The following OR2T1 variants were observed in gnomAD, a reference collection of about 807,000 sequenced individuals.
OR2T1 encodes the protein olfactory receptor family 2 subfamily T member 1.
For missense variants in OR2T1, 440 were observed against 390.2 expected, an observed-to-expected ratio of 1.13 and a Z score of -1.07; for synonymous variants, 186 against 145.4, an observed-to-expected ratio of 1.28 and a Z score of -2.01.
rs753889964 is a variant in OR2T1, at chr1:248,406,691, G to T, written c.544G>T (p.Ala182Ser). 9.3e-6 allele frequency: 15 copies of T among 1,613,974 alleles called. No homozygotes were observed. The African/African-American group carries it at 1.5e-4, about 16-fold the overall frequency. ...EINHFFCEAP[A>S]VLKLACADTA... is the part of the protein sequence containing the mutation. Reference sequence around the variant, plus strand: ...TAACCACTTCTTCTGTGAGGCACCAGCAGTCCTGAAGTTGGCATGTGCAGA... The same window carrying T: ...TAACCACTTCTTCTGTGAGGCACCATCAGTCCTGAAGTTGGCATGTGCAGA... The change falls in exon 2 of 2, where the codon GCA (alanine) becomes TCA (serine). Residue 182 changes from alanine to serine, a missense_variant. By Grantham distance (99) the Ala-to-Ser change is moderately conservative. Coordinates refer to ENST00000642005, the MANE Select transcript of OR2T1 (RefSeq NM_030904.2).
Position 248,404,559 on chromosome 1 carries a change from TA to T in OR2T1, c.-34+1318del, listed in dbSNP as rs1553313017. ...GCAAAATATACATTATATATATATATAAAATATACATATGATGTATCTATGT... is the reference window on the plus strand; with the variant it reads ...GCAAAATATACATTATATATATATATAAATATACATATGATGTATCTATGT... On this transcript the variant is annotated intron_variant, in intron 1 of 1. Transcript: ENST00000642005. Among the ~76,000 whole-genome samples, 9 of 149,250 alleles carry T rather than the reference TA, an allele frequency of 6.0e-5. No homozygotes were observed. The South Asian group carries it at 6.5e-4, about 11-fold the overall frequency.
chr1:248,406,762 G>A lies in OR2T1; in HGVS notation c.615G>A (p.Met205Ile), dbSNP rs1462513462. 6.2e-7 allele frequency: 1 copy of A among 1,614,202 alleles called. No homozygotes were observed. The highest frequency in any genetic ancestry group is 1.1e-5 in the South Asian group (1 of 91,082). ...TGATGTATGTGTGCTGTGTTTTGAT[G>A]CTGCTGATTCCTTTCTCTGTAGTCC... ...ETVMYVCCVL[M>I]LLIPFSVVLA... The change falls in exon 2 of 2, where the codon ATG (methionine) becomes ATA (isoleucine). Residue 205 changes from methionine to isoleucine, a missense_variant. By Grantham distance (10) the Met-to-Ile change is conservative. Transcript: ENST00000642005.
chr1:248,407,252 A>G lies in OR2T1; in HGVS notation c.*148A>G. 1 of 667,208 alleles carries G rather than the reference A, an allele frequency of 1.5e-6. No homozygotes were observed. Among genetic ancestry groups the G allele is most frequent in the Non-Finnish European group, 2.4e-6 (1 of 418,286 alleles). 41.3% of individuals were successfully genotyped at this position (667,208 alleles called of 1,614,324 possible). On this transcript the variant is annotated 3_prime_UTR_variant, in exon 2 of 2. Coordinates refer to ENST00000642005, the MANE Select transcript of OR2T1 (RefSeq NM_030904.2). The stretch of plus-strand genomic sequence containing the variant: ...TAGGGTTTCTGGTTCATAACTCCAT[A>G]GTTATGATGTTGTGGTTTTTTAGGC...
rs781126024 is a variant in OR2T1, at chr1:248,406,277, A to G, written c.130A>G (p.Met44Val). Reference protein sequence around the residue: ...FFTALMANGVMIFLIQTDLRL... With the variant: ...FFTALMANGVVIFLIQTDLRL... ...CACCGCACTGATGGCCAATGGGGTT[A>G]TGATCTTCCTGATCCAAACAGATTT... Residue 44 changes from methionine (M) to valine (V), a missense_variant, in exon 2 of 2, where the codon ATG (methionine) becomes GTG (valine). Met to Val is a conservative substitution (Grantham distance 21). Coordinates refer to ENST00000642005, the MANE Select transcript of OR2T1 (RefSeq NM_030904.2). 1.1e-5 allele frequency: 17 copies of G among 1,614,044 alleles called. No homozygotes were observed. Among genetic ancestry groups the G allele is most frequent in the Non-Finnish European group, 1.4e-5 (17 of 1,180,022 alleles).
In OR2T1 at chr1:248,406,862, A is replaced by G. The variant is rs775826736; in HGVS notation, c.715A>G (p.Thr239Ala). ...GGAGGGCAGGAAGAAGGCATTTGCC[A>G]CTTGCTCATCCCACATGACTGTGGT... is the stretch of plus-strand genomic sequence containing the variant. ...SVEGRKKAFA[T>A]CSSHMTVVSL... Residue 239 changes from threonine to alanine, a missense_variant, in exon 2 of 2, where the codon ACT (threonine) becomes GCT (alanine). Thr to Ala is a moderately conservative substitution (Grantham distance 58). Coordinates refer to ENST00000642005, the MANE Select transcript of OR2T1 (RefSeq NM_030904.2). 6.2e-7 allele frequency: 1 copy of G among 1,614,134 alleles called. No individual in the cohort carries two copies.
Position 248,406,270 on chromosome 1 carries a change from T to C in OR2T1, c.123T>C (p.Asn41=), listed in dbSNP as rs1204749201. Residue 41 remains asparagine (N), a synonymous_variant, in exon 2 of 2, where the codon AAT becomes AAC. Transcript: ENST00000642005. ...TCTTCTTCACCGCACTGATGGCCAA[T>C]GGGGTTATGATCTTCCTGATCCAAA... ...SIIFFTALMA[N]GVMIFLIQTD... is the part of the protein sequence containing the mutation. 1.9e-6 allele frequency: 3 copies of C among 1,614,128 alleles called. No individual in the cohort carries two copies. The South Asian group carries it at 3.3e-5, about 18-fold the overall frequency.
rs761719351 is a variant in OR2T1, at chr1:248,406,873, C to A, written c.726C>A (p.Ser242=). The change falls in exon 2 of 2, where the codon TCC becomes TCA. Residue 242 remains serine, a synonymous_variant. Coordinates refer to ENST00000642005, the MANE Select transcript of OR2T1 (RefSeq NM_030904.2). ...AGAAGGCATTTGCCACTTGCTCATC[C>A]CACATGACTGTGGTGTCCTTGTTCT... The part of the protein sequence containing the change: ...GRKKAFATCS[S]HMTVVSLFYG... The A allele has an allele frequency of 1.5e-5, 24 of 1,614,004 alleles. No homozygotes were observed. In the South Asian group the frequency reaches 2.6e-4, roughly 18 times the overall value.
At position 248,406,169 on chromosome 1, in the gene OR2T1, T is replaced by C. The variant is rs1407477868; in HGVS notation, c.22T>C (p.Ser8Pro). 2.5e-6 allele frequency: 4 copies of C among 1,614,062 alleles called. No homozygotes were observed. The highest frequency in any genetic ancestry group is 1.7e-5 in the Admixed American group (1 of 60,002). MEEYNTS[S>P]TDFTFMGLFN... ...ATCAATGGAAGAGTACAACACATCC[T>C]CTACAGACTTCACTTTCATGGGGCT... is the stretch of plus-strand genomic sequence containing the variant. Residue 8 changes from serine to proline, a missense_variant, in exon 2 of 2, where the codon TCT (serine) becomes CCT (proline). Coordinates refer to ENST00000642005, the MANE Select transcript of OR2T1 (RefSeq NM_030904.2).
chr1:248,407,788 C>T lies in OR2T1; in HGVS notation c.*684C>T, dbSNP rs1038851653. 6.6e-6 allele frequency: 1 copy of T among 152,238 alleles called. No homozygotes were observed. Among genetic ancestry groups the T allele is most frequent in the African/African-American group, 2.4e-5 (1 of 41,464 alleles). 9.4% of individuals were successfully genotyped at this position (152,238 alleles called of 1,614,324 possible). A position where few individuals can be genotyped will look rare whatever the true frequency, so the allele number is the denominator to read the frequency against. On this transcript the variant is annotated 3_prime_UTR_variant, in exon 2 of 2. Transcript: ENST00000642005. ...AGCTCTTATGCTCTTCCAGACCTCA[C>T]CCTCTGTGTCTTTTCATCTGACTGT... is the stretch of plus-strand genomic sequence containing the variant.
chr1:248,406,954 G>A lies in OR2T1; in HGVS notation c.807G>A (p.Gln269=). 1 of 1,614,096 alleles carries A rather than the reference G, an allele frequency of 6.2e-7. No homozygotes were observed. The highest frequency in any genetic ancestry group is 8.5e-7 in the Non-Finnish European group (1 of 1,179,978). ...MLPHSYHKPA[Q]DKVLSVFYTI... ...CACATTCTTACCACAAGCCAGCCCAGGACAAAGTCCTCTCTGTGTTTTACA... is the reference window on the plus strand; with the variant it reads ...CACATTCTTACCACAAGCCAGCCCAAGACAAAGTCCTCTCTGTGTTTTACA... Residue 269 remains glutamine (Q), a synonymous_variant, in exon 2 of 2, where the codon CAG becomes CAA. Coordinates refer to ENST00000642005, the MANE Select transcript of OR2T1 (RefSeq NM_030904.2).
At chr1:248,405,798 G>A (rs1538694) in intron 1 of OR2T1, among the ~76,000 whole-genome samples, 6,749 of 152,216 alleles carry the variant, frequency 0.044, 510 homozygotes, top group African/African-American at 0.15. Flanking sequence ...ATACACACAC[G>A]CATACACCGG....
intron 1 of OR2T1, among the ~76,000 whole-genome samples, chr1:248,403,574 T>C (rs1661475048): frequency 6.6e-6 from 1 of 152,132 alleles, no homozygotes; most frequent in South Asian, 2.1e-4. Context: ...TTTTACTGTA[T>C]GTTGCCTTCA....
intron 1 of OR2T1, among the ~76,000 whole-genome samples, chr1:248,403,993 A>T (rs1053787996): frequency 2.1e-5 from 3 of 141,456 alleles, no homozygotes; most frequent in African/African-American, 5.4e-5. Flanking sequence ...TTATGAATGT[A>T]TATACTTATA....
At chr1:248,403,605 T>C (rs189273144) in intron 1 of OR2T1, among the ~76,000 whole-genome samples, 142 of 152,268 alleles carry the variant, frequency 9.3e-4, no homozygotes, top group African/African-American at 3.3e-3. Flanking sequence ...AACAAATGCC[T>C]ATATAAAGTC....
At chr1:248,404,471 A>G (rs1184197749) in intron 1 of OR2T1, among the ~76,000 whole-genome samples, 2 of 151,084 alleles carry the variant, frequency 1.3e-5, no homozygotes, top group Non-Finnish European at 2.9e-5. Flanking sequence ...GTTGTAAGTA[A>G]TGATGACATT....
In OR2T1 at chr1:248,407,897, AAACT is replaced by A. The variant is rs1369812914; in HGVS notation, c.*798_*801del. On this transcript the variant is annotated 3_prime_UTR_variant, in exon 2 of 2. Coordinates refer to ENST00000642005, the MANE Select transcript of OR2T1 (RefSeq NM_030904.2). ...CTTGAATTCTGTGAGCCTTTATAGT[AAACT>A]AACTGAACCCAAGGAAGGGCCGTGG... 1 of 152,244 alleles carries A rather than the reference AAACT, an allele frequency of 6.6e-6. No individual in the cohort carries two copies. The highest frequency in any genetic ancestry group is 2.4e-5 in the African/African-American group (1 of 41,450). 9.4% of individuals were successfully genotyped at this position (152,244 alleles called of 1,614,324 possible).
chr1:248,407,246 C>A lies in OR2T1; in HGVS notation c.*142C>A. On this transcript the variant is annotated 3_prime_UTR_variant, in exon 2 of 2. Transcript: ENST00000642005. ...TTTGGCTAGGGTTTCTGGTTCATAA[C>A]TCCATAGTTATGATGTTGTGGTTTT... 4.7e-6 allele frequency: 3 copies of A among 638,128 alleles called. No homozygotes were observed. The highest frequency in any genetic ancestry group is 5.2e-5 in the South Asian group (2 of 38,680). The allele number at this position is 638,128 out of a possible 1,614,324, so 39.5% of individuals were successfully genotyped here. A position where few individuals can be genotyped will look rare whatever the true frequency, so the allele number is the denominator to read the frequency against.
chr1:248,404,343 A>C (rs1196159925), intron 1 of OR2T1, among the ~76,000 whole-genome samples: 1 of 23,902 alleles, frequency 4.2e-5, no homozygotes, highest in Non-Finnish European at 1.1e-4. Context: ...GGAAGTGTGG[A>C]AGTAGCTGAA....
At position 248,406,566 on chromosome 1, in the gene OR2T1, G is replaced by T. The variant is rs1318416547; in HGVS notation, c.419G>T (p.Cys140Phe). The T allele has an allele frequency of 1.2e-6, 2 of 1,614,118 alleles. No individual in the cohort carries two copies. Among genetic ancestry groups the T allele is most frequent in the Admixed American group, 3.3e-5 (2 of 60,012 alleles). Residue 140 changes from cysteine to phenylalanine, a missense_variant, in exon 2 of 2, where the codon TGT becomes TTT. By Grantham distance (205) the Cys-to-Phe change is radical. Coordinates refer to ENST00000642005, the MANE Select transcript of OR2T1 (RefSeq NM_030904.2). ...RYPVLMSRRV[C>F]WMIIAGSWFG... ...CCTGTCCTCATGAGCCGCCGGGTCTGTTGGATGATTATAGCAGGTTCCTGG... is the reference window on the plus strand; with the variant it reads ...CCTGTCCTCATGAGCCGCCGGGTCTTTTGGATGATTATAGCAGGTTCCTGG...
Sources: allele counts gnomAD v4.1 joint callset (sites outside exome capture counted in the v4.1 genomes callset), GRCh38; gene constraint gnomAD v4.1.1; transcripts MANE v1.5; gene names NCBI Gene and HGNC (gene_info 2026-07-23, HGNC 2026-07-21).